Variants in CRYBG3 observed in about 807,000 individuals in gnomAD.
CRYBG3 encodes crystallin beta-gamma domain containing 3.
CRYBG3 carries 127 observed loss-of-function variants against 244.2 expected under a neutral mutation model. The observed-to-expected ratio is 0.52, with a 90% CI of 0.45 to 0.60. The LOEUF is 0.60. Among genes scored for constraint, CRYBG3 ranks in the 20% least tolerant of loss-of-function variants. The pLI, the probability that CRYBG3 is intolerant of heterozygous loss-of-function variation, is 0.00. For synonymous variants in CRYBG3, 1,132 were observed against 1,195.8 expected, an observed-to-expected ratio of 0.95 and a Z score of 1.10; for missense variants, 3,325 against 3,442.5, an observed-to-expected ratio of 0.97 and a Z score of 0.85.
chr3:97,942,988 C>G, intron 21 of CRYBG3: 1 of 442,700 alleles, frequency 2.3e-6, no homozygotes, highest in Non-Finnish European at 4.0e-6. Context: ...CATTAAGGCA[C>G]GCCACTTATA....
In CRYBG3 at chr3:97,873,418, T is replaced by G; in HGVS notation, c.2224T>G (p.Cys742Gly). 1 of 1,535,320 alleles carries G rather than the reference T, an allele frequency of 6.5e-7. No individual in the cohort carries two copies. The highest frequency in any genetic ancestry group is 2.4e-5 in the East Asian group (1 of 40,916). Residue 742 changes from cysteine (C) to glycine (G), a missense_variant, in exon 4 of 22, where the codon TGC becomes GGC. By Grantham distance (159) the Cys-to-Gly change is radical (BLOSUM62 -3). Transcript: ENST00000389622. Reference sequence around the variant, plus strand: ...AGAAGTTCTTTCTAATAGTGAAAAATGCCAGGTTCTTCCAGGTTCTGAAGC... The same window carrying G: ...AGAAGTTCTTTCTAATAGTGAAAAAGGCCAGGTTCTTCCAGGTTCTGAAGC... Reference protein sequence around the residue: ...FKEVLSNSEKCQVLPGSEASG... With the variant: ...FKEVLSNSEKGQVLPGSEASG...
Position 97,915,710 on chromosome 3 carries a change from G to A in CRYBG3, c.8215G>A (p.Val2739Ile). The A allele has an allele frequency of 1.2e-6, 2 of 1,612,384 alleles. No individual in the cohort carries two copies. Among genetic ancestry groups the A allele is most frequent in the African/African-American group, 1.3e-5 (1 of 74,988 alleles). ...LTSCGCPASK[V>I]KSLKPIDYVF... ...TTCCTGCGGTTGCCCAGCATCTAAA[G>A]TCAAATCTCTCAAGCCCATTGACTA... The change falls in exon 17 of 22, where the codon GTC (valine) becomes ATC (isoleucine). Residue 2739 changes from valine (V) to isoleucine (I), a missense_variant. This residue lies in a region of CRYBG3 where 714 missense variants were observed against 803.6 expected (regional missense o/e 0.89). Coordinates refer to ENST00000389622, the MANE Select transcript of CRYBG3 (RefSeq NM_153605.4).
chr3:97,822,025 C>T lies in CRYBG3; in HGVS notation c.-182C>T, dbSNP rs985269592. 6.2e-5 allele frequency: 27 copies of T among 437,234 alleles called. No individual in the cohort carries two copies. The highest frequency in any genetic ancestry group is 8.1e-5 in the Non-Finnish European group (21 of 260,594). The allele number at this position is 437,234 out of a possible 1,614,324, so 27.1% of individuals were successfully genotyped here. A position where few individuals can be genotyped will look rare whatever the true frequency, so the allele number is the denominator to read the frequency against. On this transcript the variant is annotated 5_prime_UTR_variant, in exon 1 of 22. Transcript: ENST00000389622. ...GCAGCCGCAGCGGCGTGAGGAGCTG[C>T]CGCGCGAGGAGCGCGTCGCGTCCGC...
intron 17 of CRYBG3, among the ~76,000 whole-genome samples, chr3:97,932,483 G>A (rs570397869): frequency 2.0e-5 from 3 of 152,148 alleles, no homozygotes; most frequent in East Asian, 1.9e-4. Context: ...TCTTATGCAA[G>A]TATAAGCAGG....
chr3:97,911,755 A>G (rs930646347), intron 15 of CRYBG3, among the ~76,000 whole-genome samples: 2 of 152,228 alleles, frequency 1.3e-5, no homozygotes, highest in African/African-American at 4.8e-5. Context: ...CCTCATACTA[A>G]TCTAAGCCTC....
intron 15 of CRYBG3, among the ~76,000 whole-genome samples, chr3:97,901,063 A>AC (rs2039701748): frequency 6.6e-6 from 1 of 152,098 alleles, no homozygotes; most frequent in Non-Finnish European, 1.5e-5. Flanking sequence ...GGTCAGTATT[A>AC]CTCCCATTTA....
intron 2 of CRYBG3, among the ~76,000 whole-genome samples, chr3:97,848,331 TCTGTCACCCAGG>T (rs2038932453): frequency 6.6e-6 from 1 of 152,174 alleles, no homozygotes; most frequent in Non-Finnish European, 1.5e-5. Context: ...GGAGTCTCGC[TCTGTCACCCAGG>T]CTGGAGTGAG....
At position 97,876,121 on chromosome 3, in the gene CRYBG3, G is replaced by A. The variant is rs1220263680; in HGVS notation, c.4927G>A (p.Val1643Met). ...KIEVIPMMPE[V>M]KNIHQKDAEG... Reference sequence around the variant, plus strand: ...TGAGGTGATACCTATGATGCCAGAAGTGAAAAATATCCACCAAAAGGATGC... The same window carrying A: ...TGAGGTGATACCTATGATGCCAGAAATGAAAAATATCCACCAAAAGGATGC... The change falls in exon 4 of 22, where the codon GTG becomes ATG. Residue 1643 changes from valine (V) to methionine (M), a missense_variant. By Grantham distance (21) the Val-to-Met change is conservative. This residue lies in a region of CRYBG3 where 635 missense variants were observed against 771.7 expected (regional missense o/e 0.82). Transcript: ENST00000389622. 1 of 1,231,830 alleles carries A rather than the reference G, an allele frequency of 8.1e-7. No homozygotes were observed. The highest frequency in any genetic ancestry group is 1.6e-5 in the African/African-American group (1 of 64,384). The allele number at this position is 1,231,830 out of a possible 1,614,324, so 76.3% of individuals were successfully genotyped here.
At chr3:97,890,191 A>T (rs1291597197) in intron 10 of CRYBG3, among the ~76,000 whole-genome samples, 1 of 152,168 alleles carries the variant, frequency 6.6e-6, no homozygotes, top group Non-Finnish European at 1.5e-5. Context: ...ATATACTTTG[A>T]CTGTATGTTG....
In CRYBG3 at chr3:97,874,535, C is replaced by T. The variant is rs2039347089; in HGVS notation, c.3341C>T (p.Thr1114Met). The change falls in exon 4 of 22, where the codon ACG becomes ATG. Residue 1114 changes from threonine to methionine, a missense_variant. Transcript: ENST00000389622. ...YPTTSYLEFE[T>M]SVSIGTEVTP... ...ACTACCTCTTATTTGGAATTTGAAA[C>T]GTCTGTCTCAATTGGGACAGAAGTA... 3.3e-6 allele frequency: 5 copies of T among 1,535,130 alleles called. No homozygotes were observed. Among genetic ancestry groups the T allele is most frequent in the South Asian group, 1.2e-5 (1 of 83,860 alleles).
chr3:97,899,644 G>A (rs2039681865), intron 14 of CRYBG3, among the ~76,000 whole-genome samples: 1 of 152,198 alleles, frequency 6.6e-6, no homozygotes, highest in African/African-American at 2.4e-5. Flanking sequence ...AGGCAGTGCA[G>A]GGGAGCAGGG....
At chr3:97,900,595 C>A in intron 15 of CRYBG3, 110 bp downstream of exon 15, 1 of 691,900 alleles carries the variant, frequency 1.4e-6, no homozygotes, top group Non-Finnish European at 2.5e-6. Flanking sequence ...GTCTCTCTGG[C>A]AGAGCAGATT....
intron 2 of CRYBG3, among the ~76,000 whole-genome samples, chr3:97,847,120 A>G (rs370292731): frequency 6.6e-6 from 1 of 152,110 alleles, no homozygotes; most frequent in African/African-American, 2.4e-5. Flanking sequence ...TTGCAAGGAC[A>G]CCACAAAGCC....
Position 97,875,108 on chromosome 3 carries a change from C to G in CRYBG3, c.3914C>G (p.Ala1305Gly). ...GTATCTTGTTTGTTAGAAGATAAAG[C>G]TAGGGAATTAGTCAATGAGATTATT... ...MNVSCLLEDK[A>G]RELVNEIIYV... is the part of the protein sequence containing the mutation. Residue 1305 changes from alanine (A) to glycine (G), a missense_variant, in exon 4 of 22, where the codon GCT becomes GGT. Physicochemically the swap from Ala to Gly is moderately conservative, Grantham distance 60. Around this residue, in one of 4 missense-constraint regions of CRYBG3, gnomAD observed 635 missense variants for 771.7 expected, o/e 0.82. Transcript: ENST00000389622. 1 of 1,533,862 alleles carries G rather than the reference C, an allele frequency of 6.5e-7. No homozygotes were observed. Among genetic ancestry groups the G allele is most frequent in the Non-Finnish European group, 8.7e-7 (1 of 1,145,632 alleles).
At chr3:97,931,746 T>C (rs1244493912) in intron 17 of CRYBG3, among the ~76,000 whole-genome samples, 1 of 152,120 alleles carries the variant, frequency 6.6e-6, no homozygotes, top group Non-Finnish European at 1.5e-5. Flanking sequence ...ATTCCATTTG[T>C]TTGCCTTAAC....
Position 97,942,360 on chromosome 3 carries a change from G to A in CRYBG3, c.8741G>A (p.Gly2914Glu). ...AAAGTAGCTCTATGGACTGAACATG[G>A]GCAATTCAGGCAGAAGTGGAGACTG... ...GAKVALWTEHGQFRQKWRLNK... is the reference protein window; with the variant it reads ...GAKVALWTEHEQFRQKWRLNK... Residue 2914 changes from glycine (G) to glutamate (E), a missense_variant, in exon 21 of 22, where the codon GGG (glycine) becomes GAG (glutamate). This residue lies in a region of CRYBG3 where 714 missense variants were observed against 803.6 expected (regional missense o/e 0.89). Coordinates refer to ENST00000389622, the MANE Select transcript of CRYBG3 (RefSeq NM_153605.4). The A allele has an allele frequency of 6.2e-7, 1 of 1,611,838 alleles. No individual in the cohort carries two copies. The highest frequency in any genetic ancestry group is 8.5e-7 in the Non-Finnish European group (1 of 1,178,582).
At chr3:97,846,772 T>A (rs1462494215) in intron 2 of CRYBG3, among the ~76,000 whole-genome samples, 2 of 152,192 alleles carry the variant, frequency 1.3e-5, no homozygotes, top group African/African-American at 4.8e-5. Flanking sequence ...TCAGAGTCCC[T>A]TTTTGCAGTC....
chr3:97,872,043 G>T lies in CRYBG3; in HGVS notation c.849G>T (p.Leu283Phe), dbSNP rs1400459956. The change falls in exon 4 of 22, where the codon TTG (leucine) becomes TTT (phenylalanine). Residue 283 changes from leucine (L) to phenylalanine (F), a missense_variant. Leu to Phe is a conservative substitution (Grantham distance 22). Around this residue, in one of 4 missense-constraint regions of CRYBG3, gnomAD observed 1,526 missense variants for 1,443.2 expected, o/e 1.06. Coordinates refer to ENST00000389622, the MANE Select transcript of CRYBG3 (RefSeq NM_153605.4). ...TTGAGGCTGGGGTACTGCCACTGTT[G>T]TTATCAGCTAGTACAGACTCATCTA... is the stretch of plus-strand genomic sequence containing the variant. ...SEIEAGVLPL[L>F]LSASTDSSMK... 5 of 1,535,600 alleles carry T rather than the reference G, an allele frequency of 3.3e-6. No homozygotes were observed. Among genetic ancestry groups the T allele is most frequent in the Non-Finnish European group, 3.5e-6 (4 of 1,146,714 alleles).
At chr3:97,862,306 T>C (rs1225869620) in intron 2 of CRYBG3, among the ~76,000 whole-genome samples, 1 of 152,172 alleles carries the variant, frequency 6.6e-6, no homozygotes, top group Non-Finnish European at 1.5e-5. Context: ...TTCATTTTCT[T>C]CTTTTAAATC....
Sources: allele counts gnomAD v4.1 joint callset (sites outside exome capture counted in the v4.1 genomes callset), GRCh38; gene constraint gnomAD v4.1.1; regional missense constraint gnomAD v4.1.1; transcripts MANE v1.5; gene names NCBI Gene and HGNC (gene_info 2026-07-23, HGNC 2026-07-21).